TPM1: variants seen among roughly 807,000 people sequenced by gnomAD.
The protein encoded by TPM1 is tropomyosin alpha-1 chain.
TPM1 carries 24 observed loss-of-function variants against 42.9 expected under a neutral mutation model. The ratio of observed to expected loss-of-function variants is 0.56; its 90% CI spans 0.41 to 0.79. The LOEUF is 0.79. TPM1 is among the 30% of genes least tolerant of loss of function. TPM1 has a pLI of 0.00. For missense variants in TPM1, 158 were observed against 351.8 expected, an observed-to-expected ratio of 0.45 and a Z score of 4.41; for synonymous variants, 136 against 130.1, an observed-to-expected ratio of 1.05 and a Z score of -0.31.
chr15:63,044,304 TCTGA>T (rs560887154), intron 2 of TPM1, 152 bp downstream of exon 2: 40 of 1,057,794 alleles, frequency 3.8e-5, no homozygotes, highest in Middle Eastern at 5.6e-4. Context: ...GGATGCCGCC[TCTGA>T]CTGCTACTGC....
At position 63,065,934 on chromosome 15, in the gene TPM1, T is replaced by A. The variant is rs2036240212; in HGVS notation, c.*35T>A. 3 of 1,609,272 alleles carry A rather than the reference T, an allele frequency of 1.9e-6. No individual in the cohort carries two copies. The highest frequency in any genetic ancestry group is 8.5e-7 in the Non-Finnish European group (1 of 1,177,792). ...CTTCACTTCTCCCAAGACTCCCTCG[T>A]CGAGCTGGATGTCCCACCTCTCTGA... On this transcript the variant is annotated 3_prime_UTR_variant, in exon 10 of 10. Transcript: ENST00000403994.
downstream of TPM1, among the ~76,000 whole-genome samples, chr15:63,066,793 CT>C (rs1460039054): frequency 6.6e-6 from 1 of 151,948 alleles, no homozygotes. Flanking sequence ...TTGTTTTGTG[CT>C]TTTTAGCACA....
rs115807063 is a variant in TPM1, at chr15:63,049,085, G to A, written c.240+4933G>A. Reference sequence around the variant, plus strand: ...CTTTACTCTGAGAGTGGAGAGGGAGGAGGTCCTTCCTCTTGGAGATCCGTA... The same window carrying A: ...CTTTACTCTGAGAGTGGAGAGGGAGAAGGTCCTTCCTCTTGGAGATCCGTA... On this transcript the variant is annotated intron_variant, in intron 2 of 9. Coordinates refer to ENST00000403994, the MANE Select transcript of TPM1 (RefSeq NM_001018005.2). 1,762 of 263,352 alleles carry A rather than the reference G, an allele frequency of 6.7e-3. 44 individuals are homozygous for A. Among genetic ancestry groups the A allele is most frequent in the African/African-American group, 0.038 (1,629 of 42,406 alleles). The allele number at this position is 263,352 out of a possible 1,614,324, so 16.3% of individuals were successfully genotyped here. A position where few individuals can be genotyped will look rare whatever the true frequency, so the allele number is the denominator to read the frequency against.
downstream of TPM1, among the ~76,000 whole-genome samples, chr15:63,069,234 A>G (rs910590385): frequency 6.6e-6 from 1 of 152,220 alleles, no homozygotes; most frequent in African/African-American, 2.4e-5. Flanking sequence ...GTTTGAATGG[A>G]TAACACTATC....
intron 8 of TPM1, chr15:63,063,113 A>T: frequency 2.0e-6 from 2 of 978,934 alleles, no homozygotes; most frequent in Non-Finnish European, 2.4e-6. Flanking sequence ...AATACTTTAT[A>T]TCCTGAAGGA....
rs1595677158 is a variant in TPM1 at position 63,064,415 on chromosome 15, A to T, written c.851+273A>T. 6.3e-6 allele frequency: 8 copies of T among 1,274,680 alleles called. No individual in the cohort carries two copies. In the South Asian group the frequency reaches 1.4e-4, roughly 22 times the overall value. The allele number at this position is 1,274,680 out of a possible 1,614,324, so 79.0% of individuals were successfully genotyped here. On this transcript the variant is annotated intron_variant, in intron 9 of 9. Transcript: ENST00000403994. Reference sequence around the variant, plus strand: ...TGAACTAGAATGAGTGACCTTGAGCACTGTCCTTTTGGGAAATTAAGCTAA... The same window carrying T: ...TGAACTAGAATGAGTGACCTTGAGCTCTGTCCTTTTGGGAAATTAAGCTAA...
chr15:63,055,492 A>G, intron 2 of TPM1, among the ~76,000 whole-genome samples: 1 of 152,190 alleles, frequency 6.6e-6, no homozygotes, highest in East Asian at 1.9e-4. Flanking sequence ...TGTATTGTGG[A>G]TCCATAAGCT....
intron 2 of TPM1, chr15:63,047,816 G>A (rs1038676786): frequency 5.7e-5 from 10 of 176,944 alleles, no homozygotes; most frequent in African/African-American, 2.4e-4. Flanking sequence ...AGCCCCATGG[G>A]GAAAGTACTA....
At chr15:63,070,790 C>G (rs370627204), downstream of TPM1, 56 of 1,215,938 alleles carry the variant, frequency 4.6e-5, no homozygotes, top group South Asian at 5.5e-4. Flanking sequence ...TCTCCCTGTT[C>G]CCACGGCACA....
At chr15:63,058,139 T>A (rs1052954660) in intron 3 of TPM1, among the ~76,000 whole-genome samples, 12 of 152,374 alleles carry the variant, frequency 7.9e-5, no homozygotes, top group African/African-American at 2.9e-4. Context: ...ATTTTGGACT[T>A]CTTTAAGATG....
intron 2 of TPM1, among the ~76,000 whole-genome samples, chr15:63,054,823 T>A (rs1166775706): frequency 6.6e-6 from 1 of 152,152 alleles, no homozygotes; most frequent in Non-Finnish European, 1.5e-5. Flanking sequence ...TTGTAGGGCT[T>A]TTGGTTTGTG....
chr15:63,063,090 A>C (rs913042630), intron 8 of TPM1: 1 of 978,380 alleles, frequency 1.0e-6, no homozygotes, highest in African/African-American at 1.8e-5. Context: ...TAAGTCATAT[A>C]TTATCTTAAC....
intron 9 of TPM1, chr15:63,065,496 A>C: frequency 2.0e-6 from 2 of 985,404 alleles, no homozygotes; most frequent in Non-Finnish European, 2.4e-6. Context: ...AACCAGAGAA[A>C]ATGTGTCTTC....
chr15:63,056,876 C>G, intron 2 of TPM1, 109 bp from the exon 3 acceptor site: 2 of 1,490,886 alleles, frequency 1.3e-6, no homozygotes, highest in Non-Finnish European at 9.3e-7. Flanking sequence ...GGTAGCTCAC[C>G]ACAAGACAGT....
chr15:63,050,751 A>G (rs575080399), intron 2 of TPM1, among the ~76,000 whole-genome samples: 2 of 152,340 alleles, frequency 1.3e-5, no homozygotes, highest in East Asian at 3.9e-4. Flanking sequence ...TCAGGCTGCA[A>G]GTTGTTCCTA....
In TPM1 at chr15:63,062,685, T is replaced by A. The variant is rs376976043; in HGVS notation, c.772+40T>A. On this transcript the variant is annotated intron_variant, in intron 8 of 9. Transcript: ENST00000403994. ...AGTGTTTTTAGTTTAATCCTTATGG[T>A]TGAATACCAACCTGGCAAAACAATT... The A allele has an allele frequency of 1.8e-5, 29 of 1,614,042 alleles. No individual in the cohort carries two copies. In the African/African-American group the frequency reaches 3.9e-4, roughly 22 times the overall value.
chr15:63,070,145 A>T (rs1416740138), downstream of TPM1: 9 of 1,424,136 alleles, frequency 6.3e-6, no homozygotes, highest in Non-Finnish European at 8.3e-6. Context: ...TTAATCACAA[A>T]ACAGCTTTTA....
Position 63,042,890 on chromosome 15 carries a change from C to A in TPM1, c.61C>A (p.Arg21=), listed in dbSNP as rs1437698471. Residue 21 remains arginine, a synonymous_variant, in exon 1 of 10, where the codon CGA becomes AGA. Transcript: ENST00000403994. ...GCTCGACAAGGAGAACGCCTTGGATCGAGCTGAGCAGGCGGAGGCCGACAA... is the reference window on the plus strand; with the variant it reads ...GCTCGACAAGGAGAACGCCTTGGATAGAGCTGAGCAGGCGGAGGCCGACAA... The part of the protein sequence containing the change: ...LKLDKENALD[R]AEQAEADKKA... 5 of 1,613,038 alleles carry A rather than the reference C, an allele frequency of 3.1e-6. No homozygotes were observed. The highest frequency in any genetic ancestry group is 2.2e-5 in the East Asian group (1 of 44,816).
chr15:63,059,268 A>G (rs1348519501), intron 3 of TPM1, among the ~76,000 whole-genome samples: 1 of 152,220 alleles, frequency 6.6e-6, no homozygotes, highest in Non-Finnish European at 1.5e-5. Context: ...CATACTGCCA[A>G]GATTCAGACA....
Sources: gnomAD v4.1 joint callset for allele counts (sites outside exome capture counted in the v4.1 genomes callset) on GRCh38, gnomAD v4.1.1 for gene constraint, MANE v1.5 for transcripts, NCBI Gene and HGNC (gene_info 2026-07-23, HGNC 2026-07-21) for gene names.